BCAR3: variants seen among roughly 807,000 people sequenced by gnomAD.
BCAR3 encodes BCAR3 adaptor protein, NSP family member.
BCAR3 carries 37 observed loss-of-function variants against 80.1 expected under a neutral mutation model. That is an observed-to-expected ratio of 0.46 (90% CI 0.36 to 0.61). The LOEUF (loss-of-function observed/expected upper bound fraction) is 0.61, where lower values mean the gene tolerates loss of function less well. Ranked by LOEUF, BCAR3 falls within the 20% of genes least tolerant of loss-of-function variation. BCAR3 has a pLI of 0.00. For missense variants in BCAR3, 978 were observed against 1,068.2 expected (o/e 0.92, Z 1.18); for synonymous variants, 389 against 418.9 (o/e 0.93, Z 0.87).
chr1:93,774,905 G>T (rs967043093), intron 2 of BCAR3, among the ~76,000 whole-genome samples: 2 of 152,158 alleles, frequency 1.3e-5, no homozygotes, highest in African/African-American at 4.8e-5. Context: ...GTCCCACACA[G>T]CAGGAAAGAA....
rs988974749 is a variant in BCAR3 at position 93,618,963 on chromosome 1, G to A, written c.357+23341C>T. On this transcript the variant is annotated intron_variant, in intron 3 of 11. Transcript: ENST00000260502. ...TGTTTTTTTTTTTTTAATCTGAGAC[G>A]GAATCTCGCTCTGTCGCCAGGCTGG... Among the ~76,000 whole-genome samples the A allele has an allele frequency of 9.5e-5, 14 of 147,418 alleles. No homozygotes were observed. The East Asian group carries it at 1.2e-3, about 12-fold the overall frequency.
In BCAR3 at chr1:93,674,723, T is replaced by C; in HGVS notation, c.208A>G (p.Met70Val). The C allele has an allele frequency of 1.2e-6, 2 of 1,614,022 alleles. No individual in the cohort carries two copies. Among genetic ancestry groups the C allele is most frequent in the South Asian group, 1.1e-5 (1 of 91,042 alleles). Reference protein sequence around the residue: ...PIRSCDDFSHMGTLPHSKSPR... With the variant: ...PIRSCDDFSHVGTLPHSKSPR... ...GATTTGGAGTGGGGGAGGGTGCCCATGTGACTGAAGTCATCACAGGACCTT... is the reference window on the plus strand; with the variant it reads ...GATTTGGAGTGGGGGAGGGTGCCCACGTGACTGAAGTCATCACAGGACCTT... The change falls in exon 2 of 12, where the codon ATG (methionine) becomes GTG (valine). Residue 70 changes from methionine to valine, a missense_variant. Physicochemically the swap from Met to Val is conservative, Grantham distance 21. Coordinates refer to ENST00000260502, the MANE Select transcript of BCAR3 (RefSeq NM_003567.4).
At chr1:93,569,871 CAG>C (rs897232399) in intron 9 of BCAR3, among the ~76,000 whole-genome samples, 1 of 152,218 alleles carries the variant, frequency 6.6e-6, no homozygotes, top group Non-Finnish European at 1.5e-5. Flanking sequence ...TTACCAGTCT[CAG>C]GGGAAGCTCT....
intron 3 of BCAR3, among the ~76,000 whole-genome samples, chr1:93,641,651 G>A (rs965890457): frequency 1.8e-4 from 27 of 152,294 alleles, no homozygotes; most frequent in African/African-American, 6.3e-4. Context: ...AGCATTGACC[G>A]CCAGTCCGGC....
intron 1 of BCAR3, among the ~76,000 whole-genome samples, chr1:93,676,565 C>A (rs1381772976): frequency 1.3e-5 from 2 of 152,216 alleles, no homozygotes; most frequent in African/African-American, 4.8e-5. Context: ...AGGACAGAGT[C>A]CTGTGCAGCC....
At chr1:93,775,155 C>T (rs553801182) in intron 2 of BCAR3, 16 of 152,340 alleles carry the variant, frequency 1.1e-4, no homozygotes, top group African/African-American at 3.8e-4. Flanking sequence ...TTTAACATCC[C>T]TCAGTCCTAG....
chr1:93,733,970 C>G (rs888995207), intron 2 of BCAR3, among the ~76,000 whole-genome samples: 3 of 152,156 alleles, frequency 2.0e-5, no homozygotes, highest in Non-Finnish European at 2.9e-5. Flanking sequence ...AATATCTGGC[C>G]TTATTGGATT....
At chr1:93,629,861 A>G (rs923657075) in intron 3 of BCAR3, among the ~76,000 whole-genome samples, 3 of 152,210 alleles carry the variant, frequency 2.0e-5, no homozygotes, top group African/African-American at 7.2e-5. Flanking sequence ...GACAACAGCA[A>G]CCCCACAGTT....
chr1:93,717,316 A>G (rs1463357842), intron 2 of BCAR3, among the ~76,000 whole-genome samples: 5 of 152,216 alleles, frequency 3.3e-5, no homozygotes, highest in Non-Finnish European at 5.9e-5. Flanking sequence ...TGAGTTTGTA[A>G]TTGTGAATTA....
intron 2 of BCAR3, among the ~76,000 whole-genome samples, chr1:93,643,545 CAAAAAAAAAAA>C (rs547667389): frequency 8.1e-4 from 18 of 22,306 alleles, no homozygotes; most frequent in East Asian, 3.2e-3. Flanking sequence ...GACTCTTTCT[CAAAAAAAAAAA>C]AAAAAAAAAA....
intron 3 of BCAR3, among the ~76,000 whole-genome samples, chr1:93,697,391 G>T (rs539856622): frequency 1.3e-5 from 2 of 152,216 alleles, no homozygotes; most frequent in African/African-American, 4.8e-5. Flanking sequence ...GCCAGAGCAG[G>T]CACCCAGGAC....
intron 5 of BCAR3, among the ~76,000 whole-genome samples, chr1:93,585,434 G>C (rs1442553859): frequency 2.0e-5 from 3 of 148,776 alleles, no homozygotes; most frequent in Non-Finnish European, 3.0e-5. Context: ...GGCCTGACTT[G>C]TTGACTTAAG....
Position 93,674,674 on chromosome 1 carries a change from G to T in BCAR3, c.257C>A (p.Thr86Asn). The T allele has an allele frequency of 6.2e-7, 1 of 1,614,098 alleles. No individual in the cohort carries two copies. Among genetic ancestry groups the T allele is most frequent in the Non-Finnish European group, 8.5e-7 (1 of 1,180,024 alleles). The change falls in exon 2 of 12, where the codon ACC becomes AAC. Residue 86 changes from threonine (T) to asparagine (N), a missense_variant. Coordinates refer to ENST00000260502, the MANE Select transcript of BCAR3 (RefSeq NM_003567.4). ...SKSPRQNSPV[T>N]QDGIQESPWQ... ...TGGGCTCTCCTGGATGCCATCCTGG[G>T]TCACAGGCGAGTTCTGCCGTGGGGA... is the stretch of plus-strand genomic sequence containing the variant.
intron 7 of BCAR3, among the ~76,000 whole-genome samples, chr1:93,577,624 A>G (rs2101820504): frequency 6.6e-6 from 1 of 152,334 alleles, no homozygotes; most frequent in Non-Finnish European, 1.5e-5. Flanking sequence ...AGCCATGTGG[A>G]AAGGGGAAGA....
In BCAR3 at chr1:93,576,033, G is replaced by A. The variant is rs776773073; in HGVS notation, c.1783C>T (p.Arg595Cys). ...GCTCACCTTTCAATTATGTCCAGGC[G>A]CAGCTGGTGTCCGTGAGGCAAGGTA... ...LITLPHGHQL[R>C]LDIIERHNTM... is the part of the protein sequence containing the mutation. The change falls in exon 8 of 12, where the codon CGC (arginine) becomes TGC (cysteine). Residue 595 changes from arginine to cysteine, a missense_variant. Coordinates refer to ENST00000260502, the MANE Select transcript of BCAR3 (RefSeq NM_003567.4). 6.8e-6 allele frequency: 11 copies of A among 1,614,122 alleles called. No homozygotes were observed. The highest frequency in any genetic ancestry group is 1.3e-5 in the African/African-American group (1 of 75,020).
At chr1:93,840,248 A>T (rs1026698241) in intron 2 of BCAR3, among the ~76,000 whole-genome samples, 2 of 152,126 alleles carry the variant, frequency 1.3e-5, no homozygotes, top group African/African-American at 4.8e-5. Flanking sequence ...GCTGTAGTCC[A>T]GGGTATATGT....
intron 2 of BCAR3, among the ~76,000 whole-genome samples, chr1:93,673,150 C>T (rs889268397): frequency 3.9e-5 from 6 of 152,208 alleles, no homozygotes; most frequent in African/African-American, 7.2e-5. Context: ...AATAAATCTC[C>T]AGCATATCAC....
At chr1:93,580,890 G>C (rs750036194) in intron 7 of BCAR3, among the ~76,000 whole-genome samples, 2 of 152,170 alleles carry the variant, frequency 1.3e-5, no homozygotes, top group Non-Finnish European at 2.9e-5. Context: ...GCCGGGTGCG[G>C]TGACTCACAC....
chr1:93,682,865 T>C (rs959977481), upstream of BCAR3, among the ~76,000 whole-genome samples: 1 of 152,162 alleles, frequency 6.6e-6, no homozygotes, highest in Non-Finnish European at 1.5e-5. Context: ...CAGATGGATT[T>C]TAAAGGTAAA....
Sources: allele counts gnomAD v4.1 joint callset (sites outside exome capture counted in the v4.1 genomes callset), GRCh38; gene constraint gnomAD v4.1.1; transcripts MANE v1.5; gene names NCBI Gene and HGNC (gene_info 2026-07-23, HGNC 2026-07-21).